The following NUP153 variants were observed in gnomAD, a reference collection of about 807,000 sequenced individuals.
NUP153 encodes nucleoporin 153, also known as nuclear pore complex protein Nup153.
A neutral mutation model predicts 134.6 loss-of-function variants in NUP153; 27 were observed. The ratio of observed to expected loss-of-function variants is 0.20; its 90% confidence interval spans 0.15 to 0.28. The LOEUF (loss-of-function observed/expected upper bound fraction) is 0.28. Among genes scored for constraint, NUP153 ranks in the 10% least tolerant of loss-of-function variants. The pLI is 1.00. For synonymous variants in NUP153, 640 were observed against 623.5 expected (o/e 1.03, Z -0.40); for missense variants, 1,821 against 1,731.3 (o/e 1.05, Z -0.92).
intron 1 of NUP153, among the ~76,000 whole-genome samples, chr6:17,703,267 A>C (rs1770247825): frequency 6.6e-6 from 1 of 152,110 alleles, no homozygotes; most frequent in South Asian, 2.1e-4. Flanking sequence ...AGCATTTCCC[A>C]GGAGAGCTAA....
chr6:17,616,014 TA>T lies in NUP153; in HGVS notation c.*82del. ...GTCCTTAGGCAGATCTGACTTCAGA[TA>T]ACCCCAGCACAAAGTACAATCCAGT... On this transcript the variant is annotated 3_prime_UTR_variant, in exon 22 of 22. Transcript: ENST00000262077. 1 of 984,706 alleles carries T rather than the reference TA, an allele frequency of 1.0e-6. No individual in the cohort carries two copies. Among genetic ancestry groups the T allele is most frequent in the Non-Finnish European group, 1.6e-6 (1 of 637,524 alleles). 61.0% of individuals were successfully genotyped at this position (984,706 alleles called of 1,614,324 possible). A position where few individuals can be genotyped will look rare whatever the true frequency, so the allele number is the denominator to read the frequency against.
At chr6:17,623,357 CA>C (rs11326447) in intron 20 of NUP153, among the ~76,000 whole-genome samples, 47,317 of 82,134 alleles carry the variant, frequency 0.58, 11,192 homozygotes, top group Middle Eastern at 0.68. Flanking sequence ...GAAAAATGGC[CA>C]AAAAAAAAAA....
Position 17,688,379 on chromosome 6 carries a change from A to T in NUP153, c.334+17T>A. 1.3e-6 allele frequency: 2 copies of T among 1,591,318 alleles called. No individual in the cohort carries two copies. Among genetic ancestry groups the T allele is most frequent in the Non-Finnish European group, 1.7e-6 (2 of 1,159,422 alleles). ...GAAAACCTATCATTCATGACAAAAT[A>T]TTCACATTTTACTTACCTTCTGTAT... On this transcript the variant is annotated intron_variant, in intron 2 of 21. Transcript: ENST00000262077.
At chr6:17,616,288 G>GGGT in intron 21 of NUP153, 107 bp from the exon 22 acceptor site, 1 of 476,204 alleles carries the variant, frequency 2.1e-6, no homozygotes. Context: ...CGGGTGGGGG[G>GGGT]GGAGTAGACT....
chr6:17,617,309 G>A (rs1764382187), intron 20 of NUP153, among the ~76,000 whole-genome samples: 1 of 151,960 alleles, frequency 6.6e-6, no homozygotes, highest in African/African-American at 2.4e-5. Flanking sequence ...AACAACAAGG[G>A]ATTTTTACAA....
intron 2 of NUP153, among the ~76,000 whole-genome samples, chr6:17,682,476 T>C (rs1296453026): frequency 1.3e-5 from 2 of 152,210 alleles, no homozygotes; most frequent in Non-Finnish European, 2.9e-5. Flanking sequence ...ATGTTTTTGA[T>C]AGCATTCTAA....
chr6:17,701,837 G>GGA (rs1554148701), intron 1 of NUP153, among the ~76,000 whole-genome samples: 1 of 106,644 alleles, frequency 9.4e-6, no homozygotes, highest in Non-Finnish European at 2.0e-5. Flanking sequence ...TGTCTCGGGG[G>GGA]GGGGGGGAAA....
intron 11 of NUP153, among the ~76,000 whole-genome samples, chr6:17,658,201 A>G (rs187007059): frequency 1.3e-5 from 2 of 152,336 alleles, no homozygotes; most frequent in East Asian, 3.9e-4. Flanking sequence ...GTTCAAGACC[A>G]GCCTGGTCAA....
rs1184927869 is a variant in NUP153 at position 17,706,438 on chromosome 6, G to A, written c.-51C>T. 15 of 1,469,950 alleles carry A rather than the reference G, an allele frequency of 1.0e-5. No individual in the cohort carries two copies. In the East Asian group the frequency reaches 3.0e-4, roughly 29 times the overall value. The allele number at this position is 1,469,950 out of a possible 1,614,324, so 91.1% of individuals were successfully genotyped here. A position where few individuals can be genotyped will look rare whatever the true frequency, so the allele number is the denominator to read the frequency against. ...CCGGGGCGGGTAAGGGGGCGGGAGA[G>A]GCAGAGGCGGAGGCCTTAGAGAGCC... is the stretch of plus-strand genomic sequence containing the variant. On this transcript the variant is annotated 5_prime_UTR_variant, in exon 1 of 22. Coordinates refer to ENST00000262077, the MANE Select transcript of NUP153 (RefSeq NM_005124.4). This position sits in a 1 kb window ranked among gnomAD's most constrained non-coding sequence, Gnocchi z 5.9.
intron 21 of NUP153, 132 bp downstream of exon 21, chr6:17,616,395 A>C (rs1303865055): frequency 1.1e-6 from 1 of 880,584 alleles, no homozygotes; most frequent in Non-Finnish European, 1.7e-6. Context: ...ATAGTATGGT[A>C]AATTTATGTT....
chr6:17,688,263 T>C (rs1170182332), intron 2 of NUP153, 133 bp downstream of exon 2: 3 of 639,998 alleles, frequency 4.7e-6, no homozygotes, highest in Admixed American at 6.1e-5. Context: ...GACATCCAAT[T>C]TGAACCTGAT....
At chr6:17,673,043 ACG>A (rs937914145) in intron 5 of NUP153, among the ~76,000 whole-genome samples, 3 of 152,122 alleles carry the variant, frequency 2.0e-5, no homozygotes, top group Non-Finnish European at 4.4e-5. Flanking sequence ...ATACACACAC[ACG>A]CACACACACA....
intron 16 of NUP153, among the ~76,000 whole-genome samples, chr6:17,633,087 TAA>T (rs1765346747): frequency 6.6e-6 from 1 of 152,142 alleles, no homozygotes; most frequent in Non-Finnish European, 1.5e-5. Context: ...GAGCAGCTCA[TAA>T]TCACCTTGCT....
intron 1 of NUP153, among the ~76,000 whole-genome samples, chr6:17,700,978 G>A (rs547458205): frequency 3.9e-5 from 6 of 152,164 alleles, no homozygotes; most frequent in African/African-American, 1.2e-4. Context: ...CCAGCACTTC[G>A]CGGGAGGCCA....
intron 1 of NUP153, among the ~76,000 whole-genome samples, chr6:17,703,799 AAT>A (rs940932672): frequency 2.0e-5 from 3 of 152,176 alleles, no homozygotes; most frequent in African/African-American, 4.8e-5. Flanking sequence ...CAAAAGCTAA[AAT>A]ATGTTTTCTT....
At chr6:17,676,070 T>C (rs1351478731) in intron 2 of NUP153, among the ~76,000 whole-genome samples, 2 of 152,226 alleles carry the variant, frequency 1.3e-5, no homozygotes. Context: ...TTTGATGGTG[T>C]ATTTTGTAAT....
Position 17,688,483 on chromosome 6 carries a change from C to T in NUP153, c.247G>A (p.Glu83Lys). The T allele has an allele frequency of 2.5e-6, 4 of 1,614,176 alleles. No individual in the cohort carries two copies. Among genetic ancestry groups the T allele is most frequent in the Non-Finnish European group, 2.5e-6 (3 of 1,180,036 alleles). ...TCATCGGCATATACCAGATGGTCCT[C>T]TTTATTTTCTGGCCAGCGTGGAACC... is the stretch of plus-strand genomic sequence containing the variant. The part of the protein sequence containing the change: ...SEVPRWPENK[E>K]DHLVYADEES... The change falls in exon 2 of 22, where the codon GAG becomes AAG. Residue 83 changes from glutamate (E) to lysine (K), a missense_variant. Physicochemically the swap from Glu to Lys is moderately conservative, Grantham distance 56. Coordinates refer to ENST00000262077, the MANE Select transcript of NUP153 (RefSeq NM_005124.4).
At chr6:17,681,190 T>C (rs1372630842) in intron 2 of NUP153, among the ~76,000 whole-genome samples, 2 of 150,590 alleles carry the variant, frequency 1.3e-5, no homozygotes, top group Admixed American at 6.7e-5. Flanking sequence ...AACTATCACA[T>C]GTTCTCAAAT....
At chr6:17,639,815 A>G in intron 15 of NUP153, 124 bp downstream of exon 15, 1 of 790,174 alleles carries the variant, frequency 1.3e-6, no homozygotes, top group African/African-American at 1.8e-5. Flanking sequence ...CTACATCTCT[A>G]TTCAAAAGTA....
Sources: gnomAD v4.1 joint callset for allele counts (sites outside exome capture counted in the v4.1 genomes callset) on GRCh38, gnomAD v4.1.1 for gene constraint, Gnocchi (gnomAD v3.1) non-coding constraint, MANE v1.5 for transcripts, NCBI Gene and HGNC (gene_info 2026-07-23, HGNC 2026-07-21) for gene names.